UCK2: variants seen among roughly 807,000 people sequenced by gnomAD.
The protein encoded by UCK2 is uridine-cytidine kinase 2, also known as cytidine monophosphokinase 2.
Under a neutral mutation model 30.8 loss-of-function variants are expected in UCK2, and 6 were observed. That is an observed-to-expected ratio of 0.19 (90% CI 0.11 to 0.38). The LOEUF (loss-of-function observed/expected upper bound fraction) is 0.38, where lower values mean the gene tolerates loss of function less well. Among genes scored for constraint, UCK2 ranks in the 10% least tolerant of loss-of-function variants. The pLI is 1.00. For missense variants in UCK2, 210 were observed against 339.8 expected (o/e 0.62, Z 3.00); for synonymous variants, 125 against 133.6 (o/e 0.94, Z 0.45).
intron 1 of UCK2, among the ~76,000 whole-genome samples, chr1:165,864,808 T>TAA (rs1655009768): frequency 7.5e-5 from 11 of 146,928 alleles, no homozygotes; most frequent in African/African-American, 1.9e-4. Context: ...GCCTCCTGAG[T>TAA]GTCCAGGACT....
At chr1:165,829,500 A>C (rs565973332) in intron 1 of UCK2, among the ~76,000 whole-genome samples, 12 of 152,318 alleles carry the variant, frequency 7.9e-5, no homozygotes, top group African/African-American at 2.9e-4. Context: ...TTTTAAGCTG[A>C]AGTCCAGTCC....
At chr1:165,886,789 T>C (rs1655626205) in intron 1 of UCK2, among the ~76,000 whole-genome samples, 1 of 152,188 alleles carries the variant, frequency 6.6e-6, no homozygotes, top group African/African-American at 2.4e-5. Context: ...CCTCCCTGCC[T>C]TCTTCCCTAC....
chr1:165,832,760 A>AT (rs1257511164), intron 1 of UCK2, among the ~76,000 whole-genome samples: 1 of 151,812 alleles, frequency 6.6e-6, no homozygotes, highest in African/African-American at 2.4e-5. Flanking sequence ...TGTCCGGCTA[A>AT]TTTTTGTATT....
rs1203357168 is a variant in UCK2, at chr1:165,908,260, C to T, written c.*437C>T. 1 of 154,230 alleles carries T rather than the reference C, an allele frequency of 6.5e-6. No individual in the cohort carries two copies. Among genetic ancestry groups the T allele is most frequent in the Non-Finnish European group, 1.4e-5 (1 of 69,432 alleles). The allele number at this position is 154,230 out of a possible 1,614,324, so 9.6% of individuals were successfully genotyped here. The stretch of plus-strand genomic sequence containing the variant: ...TCCCAGGGTGGGGAGGCTCGGGCAT[C>T]TGTGAGAGACAGGGAGGGTGGCTAA... On this transcript the variant is annotated 3_prime_UTR_variant, in exon 7 of 7. Transcript: ENST00000367879.
At chr1:165,869,717 G>A (rs1655149216) in intron 1 of UCK2, among the ~76,000 whole-genome samples, 1 of 133,198 alleles carries the variant, frequency 7.5e-6, no homozygotes, top group Admixed American at 8.8e-5. Context: ...CACTCACGCT[G>A]GAGTGCAGTG....
intron 1 of UCK2, among the ~76,000 whole-genome samples, chr1:165,855,700 T>TGTAGAA (rs1328590081): frequency 6.6e-6 from 1 of 152,012 alleles, no homozygotes; most frequent in Non-Finnish European, 1.5e-5. Flanking sequence ...CTGACTAGTG[T>TGTAGAA]GTAGAAGCTG....
chr1:165,832,028 C>T (rs1181191108), intron 1 of UCK2, among the ~76,000 whole-genome samples: 1 of 152,172 alleles, frequency 6.6e-6, no homozygotes, highest in Non-Finnish European at 1.5e-5. Context: ...CTTGGCCTCC[C>T]GAAGCGTTGG....
chr1:165,870,606 C>A (rs778680003), intron 1 of UCK2, among the ~76,000 whole-genome samples: 1 of 152,166 alleles, frequency 6.6e-6, no homozygotes, highest in Non-Finnish European at 1.5e-5. Flanking sequence ...GCCTCTTGCT[C>A]CATTATGGGT....
chr1:165,897,238 T>TG (rs1419058132), intron 4 of UCK2, among the ~76,000 whole-genome samples: 1 of 117,802 alleles, frequency 8.5e-6, no homozygotes, highest in Non-Finnish European at 1.9e-5. Flanking sequence ...GGAGAGCCAC[T>TG]GTGAGGTTCT....
At chr1:165,902,658 C>G (rs1432577949) in intron 4 of UCK2, 1 of 118,622 alleles carries the variant, frequency 8.4e-6, no homozygotes, top group African/African-American at 3.2e-5. Flanking sequence ...AAATGGTTAA[C>G]CATGGCTGGG....
chr1:165,885,425 A>G, intron 1 of UCK2: 1 of 398,368 alleles, frequency 2.5e-6, no homozygotes, highest in Admixed American at 4.4e-5. Flanking sequence ...TGTTCCATAG[A>G]TTTTGTTTTT....
intron 1 of UCK2, among the ~76,000 whole-genome samples, chr1:165,863,507 G>A (rs946311995): frequency 2.6e-5 from 4 of 152,220 alleles, no homozygotes; most frequent in Non-Finnish European, 4.4e-5. Flanking sequence ...ATCCTCACCC[G>A]TTTGTCTGGG....
intron 1 of UCK2, among the ~76,000 whole-genome samples, chr1:165,861,222 G>A (rs946483657): frequency 6.6e-6 from 1 of 152,064 alleles, no homozygotes; most frequent in African/African-American, 2.4e-5. Flanking sequence ...CCTCCCAGAG[G>A]TCCCACCTCT....
chr1:165,881,802 T>C (rs1176666918), intron 1 of UCK2, among the ~76,000 whole-genome samples: 1 of 152,208 alleles, frequency 6.6e-6, no homozygotes, highest in East Asian at 1.9e-4. Context: ...TGTAATTACA[T>C]AAACCCAGAA....
Position 165,907,822 on chromosome 1 carries a change from G to T in UCK2, c.785G>T (p.Ter262LeuextTer41). ...TCGGAGTCCAGCAGCAGGCCGCATT[G>T]ACCCGTCTCCATCGGACCCCAGCCC... The part of the protein sequence containing the change: ...QASESSSRPH[*>L] The change falls in exon 7 of 7, where the codon TGA (stop) becomes TTA (leucine). Residue 262 changes from the stop codon to leucine, a stop_lost. Transcript: ENST00000367879. 1 of 1,614,046 alleles carries T rather than the reference G, an allele frequency of 6.2e-7. No individual in the cohort carries two copies. Among genetic ancestry groups the T allele is most frequent in the Non-Finnish European group, 8.5e-7 (1 of 1,179,974 alleles).
intron 3 of UCK2, among the ~76,000 whole-genome samples, chr1:165,893,740 A>C (rs2101883297): frequency 6.6e-6 from 1 of 152,274 alleles, no homozygotes; most frequent in Non-Finnish European, 1.5e-5. Flanking sequence ...GTTGCTCAAT[A>C]AATTTGTTGT....
At chr1:165,830,432 C>CGA (rs1654017812) in intron 1 of UCK2, among the ~76,000 whole-genome samples, 2 of 151,802 alleles carry the variant, frequency 1.3e-5, no homozygotes. Flanking sequence ...TCATGCCATT[C>CGA]TTCTGCCTCA....
chr1:165,895,665 TTTTC>T (rs1655878686), intron 3 of UCK2: 7 of 985,510 alleles, frequency 7.1e-6, no homozygotes, highest in Admixed American at 6.1e-5. Flanking sequence ...TTCCCAAAAC[TTTTC>T]TTTATTTTCC....
intron 1 of UCK2, among the ~76,000 whole-genome samples, chr1:165,846,229 T>C (rs897758582): frequency 1.3e-5 from 2 of 152,128 alleles, no homozygotes; most frequent in African/African-American, 4.8e-5. Context: ...TTGAGCCCAG[T>C]AGTTTGAGGT....
Sources: gnomAD v4.1 joint callset for allele counts (sites outside exome capture counted in the v4.1 genomes callset) on GRCh38, gnomAD v4.1.1 for gene constraint, MANE v1.5 for transcripts, NCBI Gene and HGNC (gene_info 2026-07-23, HGNC 2026-07-21) for gene names.